The following IGF1R variants were observed in gnomAD, a reference collection of about 807,000 sequenced individuals.
IGF1R encodes insulin-like growth factor 1 receptor.
In IGF1R, 44 loss-of-function variants were observed where a neutral mutation model predicts 144.6. The observed-to-expected ratio is 0.30, with a 90% CI of 0.24 to 0.39. The LOEUF (loss-of-function observed/expected upper bound fraction) is 0.39. IGF1R is among the 10% of genes least tolerant of loss of function. IGF1R has a pLI of 1.00. For synonymous variants in IGF1R, 795 were observed against 722.8 expected, an observed-to-expected ratio of 1.10 and a Z score of -1.60; for missense variants, 1,355 against 1,833.7, an observed-to-expected ratio of 0.74 and a Z score of 4.77.
chr15:98,742,438 G>A (rs2054767673), intron 2 of IGF1R, among the ~76,000 whole-genome samples: 2 of 152,180 alleles, frequency 1.3e-5, no homozygotes, highest in Non-Finnish European at 1.5e-5. Context: ...GGGCAAGGTG[G>A]ACGAGGGCTG....
At chr15:98,727,514 C>G (rs948001584) in intron 2 of IGF1R, among the ~76,000 whole-genome samples, 9 of 152,204 alleles carry the variant, frequency 5.9e-5, no homozygotes, top group Admixed American at 1.3e-4. Flanking sequence ...CCCTGAAACT[C>G]TGCTCTCTGA....
At chr15:98,864,229 T>C (rs1848443903) in intron 2 of IGF1R, among the ~76,000 whole-genome samples, 1 of 152,198 alleles carries the variant, frequency 6.6e-6, no homozygotes, top group Non-Finnish European at 1.5e-5. Flanking sequence ...CTCTCCAGCC[T>C]GGACAACAGA....
chr15:98,833,488 A>G (rs966573206), intron 2 of IGF1R, among the ~76,000 whole-genome samples: 16 of 152,062 alleles, frequency 1.1e-4, no homozygotes, highest in Admixed American at 1.0e-3. Flanking sequence ...AACCTTCACT[A>G]TTTCATGTGG....
chr15:98,649,844 C>T (rs1234910991), intron 1 of IGF1R, among the ~76,000 whole-genome samples, 169 bp downstream of exon 1: 2 of 152,122 alleles, frequency 1.3e-5, no homozygotes, highest in Admixed American at 1.3e-4. Flanking sequence ...TGCAGCGGAC[C>T]CGGGACCCGG....
chr15:98,811,474 G>A lies in IGF1R; in HGVS notation c.641-79851G>A, dbSNP rs370484860. Among the ~76,000 whole-genome samples the A allele has an allele frequency of 5.7e-4, 86 of 149,820 alleles. No homozygotes were observed. The East Asian group carries it at 0.015, about 26-fold the overall frequency. On this transcript the variant is annotated intron_variant, in intron 2 of 20. Transcript: ENST00000650285. ...GAACCCAGGAGGCAGAGCTTGCAGT[G>A]AGCCGAGATCACGCCACTGCACTCC...
chr15:98,871,132 A>G lies in IGF1R; in HGVS notation c.641-20193A>G, dbSNP rs558334201. On this transcript the variant is annotated intron_variant, in intron 2 of 20. Transcript: ENST00000650285. ...AGATATCCAGCCCACTGATCCAGGA[A>G]GAGATTCCTTTGACCTGGGAAGTCA... Among the ~76,000 whole-genome samples, 9 of 152,370 alleles carry G rather than the reference A, an allele frequency of 5.9e-5. 2 individuals are homozygous for G. In the South Asian group the frequency reaches 1.7e-3, roughly 28 times the overall value.
chr15:98,828,095 C>A (rs2056928935), intron 2 of IGF1R, among the ~76,000 whole-genome samples: 1 of 152,110 alleles, frequency 6.6e-6, no homozygotes, highest in Non-Finnish European at 1.5e-5. Context: ...GGGCATTCAC[C>A]CTCTGGTCCA....
chr15:98,910,024 G>A (rs1443671504), intron 6 of IGF1R, among the ~76,000 whole-genome samples: 1 of 152,220 alleles, frequency 6.6e-6, no homozygotes, highest in Non-Finnish European at 1.5e-5. Context: ...GTGCGTGTGT[G>A]CAGACAGACA....
chr15:98,935,486 A>T lies in IGF1R; in HGVS notation c.3297+60A>T. The T allele has an allele frequency of 1.1e-6, 1 of 921,236 alleles. No individual in the cohort carries two copies. The highest frequency in any genetic ancestry group is 1.8e-6 in the Non-Finnish European group (1 of 570,472). 57.1% of individuals were successfully genotyped at this position (921,236 alleles called of 1,614,324 possible). A position where few individuals can be genotyped will look rare whatever the true frequency, so the allele number is the denominator to read the frequency against. ...CTGGCCTGCTCTCTTTTCCTTTATA[A>T]TCTCCCTGCAAGGAAATGCTGTGTC... On this transcript the variant is annotated intron_variant, in intron 17 of 20. Transcript: ENST00000650285. The surrounding 1 kb of genome is among the most constrained non-coding windows in gnomAD (Gnocchi z 4.2).
intron 2 of IGF1R, among the ~76,000 whole-genome samples, chr15:98,888,438 A>AGAGAGAGAGT (rs1555457179): frequency 3.4e-4 from 49 of 143,454 alleles, no homozygotes; most frequent in African/African-American, 9.3e-4. Context: ...AGAGAGAGAG[A>AGAGAGAGAGT]GTGTGTGTGT....
intron 3 of IGF1R, among the ~76,000 whole-genome samples, chr15:98,894,615 AG>A (rs1054359439): frequency 6.6e-6 from 1 of 152,230 alleles, no homozygotes; most frequent in African/African-American, 2.4e-5. Flanking sequence ...TCAAAATGAC[AG>A]ATTATAGCCA....
At chr15:98,807,259 G>A (rs1363639615) in intron 2 of IGF1R, among the ~76,000 whole-genome samples, 3 of 152,178 alleles carry the variant, frequency 2.0e-5, no homozygotes, top group African/African-American at 7.2e-5. Context: ...TAAGTAGGGC[G>A]CTGAGCACAG....
chr15:98,880,416 C>T (rs1010941433), intron 2 of IGF1R, among the ~76,000 whole-genome samples: 5 of 152,156 alleles, frequency 3.3e-5, no homozygotes, highest in Admixed American at 6.5e-5. Context: ...CCCAGCGTTG[C>T]GTGTTGGTTC....
intron 19 of IGF1R, 111 bp from the exon 20 acceptor site, chr15:98,948,463 C>T (rs2016640912): frequency 1.3e-5 from 15 of 1,154,304 alleles, no homozygotes; most frequent in Non-Finnish European, 1.7e-5. Context: ...GCACTGTCAC[C>T]ATAGTAAGGA....
chr15:98,895,507 C>T (rs1217098213), intron 3 of IGF1R, among the ~76,000 whole-genome samples: 8 of 152,048 alleles, frequency 5.3e-5, no homozygotes, highest in Non-Finnish European at 1.2e-4. Context: ...AGCCTCTACC[C>T]AGGCTGGAAA....
intron 2 of IGF1R, among the ~76,000 whole-genome samples, chr15:98,849,927 C>T (rs1393769654): frequency 6.6e-6 from 1 of 152,130 alleles, no homozygotes; most frequent in Non-Finnish European, 1.5e-5. Context: ...GGAAAACAAC[C>T]CCACATGGCT....
chr15:98,767,814 G>A (rs1026491540), intron 2 of IGF1R, among the ~76,000 whole-genome samples: 10 of 152,274 alleles, frequency 6.6e-5, no homozygotes, highest in East Asian at 3.9e-4. Flanking sequence ...TGCTGGTGCC[G>A]GTAGGACAGG....
At chr15:98,810,737 A>G (rs1333333863) in intron 2 of IGF1R, among the ~76,000 whole-genome samples, 1 of 151,468 alleles carries the variant, frequency 6.6e-6, no homozygotes, top group Non-Finnish European at 1.5e-5. Flanking sequence ...TTTAGTAGAG[A>G]CGGGGTTTCA....
At chr15:98,808,476 G>T (rs763673149) in intron 2 of IGF1R, among the ~76,000 whole-genome samples, 1 of 152,176 alleles carries the variant, frequency 6.6e-6, no homozygotes, top group Non-Finnish European at 1.5e-5. Flanking sequence ...GTGTGTACCT[G>T]TGTCACCAGT....
Sources: gnomAD v4.1 joint callset for allele counts (sites outside exome capture counted in the v4.1 genomes callset) on GRCh38, gnomAD v4.1.1 for gene constraint, Gnocchi (gnomAD v3.1) non-coding constraint, MANE v1.5 for transcripts, NCBI Gene and HGNC (gene_info 2026-07-23, HGNC 2026-07-21) for gene names.